The following SLC38A11 variants were observed in gnomAD, a reference collection of about 807,000 sequenced individuals.
SLC38A11 encodes the protein solute carrier family 38 member 11.
SLC38A11 carries 51 observed loss-of-function variants against 49.4 expected under a neutral mutation model. The observed-to-expected ratio is 1.03, with a 90% CI of 0.83 to 1.30. The LOEUF is 1.30. SLC38A11 is among the 50% of genes most tolerant of loss of function. The pLI is 0.00. For synonymous variants in SLC38A11, 203 were observed against 192.9 expected (o/e 1.05, Z -0.43); for missense variants, 574 against 556.2 (o/e 1.03, Z -0.32).
chr2:164,923,637 T>TA (rs988021350), intron 7 of SLC38A11, among the ~76,000 whole-genome samples: 22 of 147,790 alleles, frequency 1.5e-4, no homozygotes, highest in South Asian at 4.3e-4. Flanking sequence ...CTCTACAAAA[T>TA]AAAAAAAAAA....
intron 5 of SLC38A11, among the ~76,000 whole-genome samples, chr2:164,941,709 ATG>A (rs1233934579): frequency 6.6e-6 from 1 of 152,128 alleles, no homozygotes; most frequent in Non-Finnish European, 1.5e-5. Flanking sequence ...AACAATCAAA[ATG>A]TTTCTATCAA....
intron 11 of SLC38A11, among the ~76,000 whole-genome samples, chr2:164,904,316 A>G (rs1421753318): frequency 2.6e-5 from 4 of 152,174 alleles, no homozygotes; most frequent in Non-Finnish European, 5.9e-5. Context: ...AATAGTGCTT[A>G]TATTTATTTG....
intron 11 of SLC38A11, among the ~76,000 whole-genome samples, chr2:164,899,659 AC>A (rs1283209829): frequency 6.6e-6 from 1 of 152,118 alleles, no homozygotes; most frequent in Non-Finnish European, 1.5e-5. Flanking sequence ...CATAAAACAT[AC>A]GTTTTTAAAA....
chr2:164,923,655 C>A (rs1004127493), intron 7 of SLC38A11, among the ~76,000 whole-genome samples: 1 of 151,730 alleles, frequency 6.6e-6, no homozygotes, highest in Non-Finnish European at 1.5e-5. Flanking sequence ...AAATTAGCCA[C>A]GCGTGGTGGT....
Position 164,897,749 on chromosome 2 carries a change from T to TTTTG in SLC38A11, c.*684_*687dup, listed in dbSNP as rs942771020. ...AACAACTGTTTTTTGTTTTTGTTTT[T>TTTTG]TTTGTTTGTTTGTTTGTTTTTCTGT... On this transcript the variant is annotated 3_prime_UTR_variant, in exon 12 of 12. Transcript: ENST00000685975. 2.0e-5 allele frequency: 3 copies of TTTTG among 152,200 alleles called. No homozygotes were observed. Among genetic ancestry groups the TTTTG allele is most frequent in the Non-Finnish European group, 2.9e-5 (2 of 68,222 alleles). The allele number at this position is 152,200 out of a possible 1,614,324, so 9.4% of individuals were successfully genotyped here.
At chr2:164,945,355 A>C (rs972262038) in intron 4 of SLC38A11, among the ~76,000 whole-genome samples, 1 of 152,006 alleles carries the variant, frequency 6.6e-6, no homozygotes, top group African/African-American at 2.4e-5. Context: ...CAAGTACAGA[A>C]AGCCCAAACA....
At chr2:164,936,763 A>G (rs1361075547) in intron 7 of SLC38A11, among the ~76,000 whole-genome samples, 1 of 152,156 alleles carries the variant, frequency 6.6e-6, no homozygotes, top group Non-Finnish European at 1.5e-5. Context: ...TTGACAATAC[A>G]CACACTTTAA....
intron 2 of SLC38A11, among the ~76,000 whole-genome samples, chr2:164,954,355 TCACCAC>T (rs1240615030): frequency 1.3e-5 from 2 of 152,134 alleles, no homozygotes; most frequent in African/African-American, 4.8e-5. Context: ...GAAAAATGAT[TCACCAC>T]CACCCATATG....
intron 3 of SLC38A11, among the ~76,000 whole-genome samples, chr2:164,948,905 T>TC (rs779839679): frequency 0.13 from 19,822 of 147,786 alleles, 1,779 homozygotes; most frequent in East Asian, 0.3. Context: ...TTTTTTTTTT[T>TC]CATAAATACT....
At chr2:164,939,616 T>C in intron 5 of SLC38A11, 60 bp from the exon 6 acceptor site, 1 of 1,053,296 alleles carries the variant, frequency 9.5e-7, no homozygotes, top group Admixed American at 2.2e-5. Flanking sequence ...GGTGACACAC[T>C]AAATAGGCCA....
intron 7 of SLC38A11, among the ~76,000 whole-genome samples, chr2:164,927,258 C>G (rs529071410): frequency 1.1e-4 from 16 of 152,134 alleles, no homozygotes; most frequent in Non-Finnish European, 2.2e-4. Flanking sequence ...AATGCTAGTG[C>G]CTTGATCTTG....
At chr2:164,933,262 A>G (rs528467919) in intron 7 of SLC38A11, among the ~76,000 whole-genome samples, 1 of 152,146 alleles carries the variant, frequency 6.6e-6, no homozygotes, top group African/African-American at 2.4e-5. Flanking sequence ...TTTAACAGTG[A>G]TAATGCCTCT....
At chr2:164,941,511 G>T (rs1687764784) in intron 5 of SLC38A11, among the ~76,000 whole-genome samples, 3 of 152,116 alleles carry the variant, frequency 2.0e-5, no homozygotes, top group South Asian at 2.1e-4. Flanking sequence ...AAATGGTGAA[G>T]ATGCTGTAAG....
At chr2:164,949,751 G>A (rs1462936785) in intron 3 of SLC38A11, among the ~76,000 whole-genome samples, 1 of 152,196 alleles carries the variant, frequency 6.6e-6, no homozygotes, top group African/African-American at 2.4e-5. Context: ...AAGATGGTGT[G>A]AAAGCTTATT....
intron 7 of SLC38A11, among the ~76,000 whole-genome samples, chr2:164,933,206 A>G (rs1687128649): frequency 6.6e-6 from 1 of 151,920 alleles, no homozygotes; most frequent in Non-Finnish European, 1.5e-5. Context: ...TCCATTCTGA[A>G]TGTAAAGAAT....
intron 3 of SLC38A11, among the ~76,000 whole-genome samples, chr2:164,949,242 T>G (rs1388037295): frequency 6.6e-6 from 1 of 151,942 alleles, no homozygotes; most frequent in Non-Finnish European, 1.5e-5. Context: ...TTTATTTAAT[T>G]TAATTAATTA....
intron 2 of SLC38A11, 109 bp downstream of exon 2, chr2:164,954,522 C>G (rs916453230): frequency 9.9e-6 from 5 of 503,192 alleles, no homozygotes; most frequent in Non-Finnish European, 1.7e-5. Flanking sequence ...TACCAATTTT[C>G]TTATTTAAGT....
intron 7 of SLC38A11, among the ~76,000 whole-genome samples, chr2:164,916,447 T>C (rs561156080): frequency 6.6e-6 from 1 of 152,138 alleles, no homozygotes; most frequent in East Asian, 1.9e-4. Flanking sequence ...CTAATACTAA[T>C]TGAGGATGTA....
chr2:164,905,759 T>A (rs1684958406), intron 11 of SLC38A11, among the ~76,000 whole-genome samples: 1 of 152,162 alleles, frequency 6.6e-6, no homozygotes, highest in Non-Finnish European at 1.5e-5. Flanking sequence ...TAATTTTTAA[T>A]GTATGTCTAT....
Sources: allele counts gnomAD v4.1 joint callset (sites outside exome capture counted in the v4.1 genomes callset), GRCh38; gene constraint gnomAD v4.1.1; transcripts MANE v1.5; gene names NCBI Gene and HGNC (gene_info 2026-07-23, HGNC 2026-07-21).